Variants in RBSN observed in about 807,000 individuals in gnomAD.
RBSN encodes the protein rabenosyn-5.
Under a neutral mutation model 60.5 loss-of-function variants are expected in RBSN, and 34 were observed. That is an observed-to-expected ratio of 0.56 (90% CI 0.43 to 0.75). RBSN has a LOEUF of 0.75. Ranked by LOEUF, RBSN falls within the 30% of genes least tolerant of loss-of-function variation. The pLI, the probability that RBSN is intolerant of heterozygous loss-of-function variation, is 0.00. For synonymous variants in RBSN, 322 were observed against 366.9 expected (o/e 0.88, Z 1.40); for missense variants, 845 against 986.8 (o/e 0.86, Z 1.92).
chr3:15,074,589 G>T lies in RBSN; in HGVS notation c.1548C>A (p.Asp516Glu). ...ACATCTGCAGCTGTTCCCGCTGCAG[G>T]TCCTCCTCCTCAGCCTGCCTCCGGG... ...ELSRRQAEEE[D>E]LQREQLQMLR... Residue 516 changes from aspartate (D) to glutamate (E), a missense_variant, in exon 14 of 14, where the codon GAC becomes GAA. Transcript: ENST00000253699. The surrounding 1 kb of genome is among the most constrained non-coding windows in gnomAD (Gnocchi z 6.4). 6.2e-7 allele frequency: 1 copy of T among 1,614,184 alleles called. No individual in the cohort carries two copies.
At chr3:15,096,327 G>A in intron 3 of RBSN, 39 bp from the exon 4 acceptor site, 1 of 464,098 alleles carries the variant, frequency 2.2e-6, no homozygotes, top group East Asian at 3.3e-5. Flanking sequence ...GCCAATTCAG[G>A]CAAACTGGTA....
At chr3:15,075,200 T>TTTTCATG in intron 13 of RBSN, 2 of 575,352 alleles carry the variant, frequency 3.5e-6, no homozygotes, top group Non-Finnish European at 3.1e-6. Context: ...ATACTTTTCT[T>TTTTCATG]AAACCTCTAA....
chr3:15,093,409 G>C (rs2043568711), intron 4 of RBSN, among the ~76,000 whole-genome samples: 2 of 152,164 alleles, frequency 1.3e-5, no homozygotes, highest in African/African-American at 4.8e-5. Flanking sequence ...GAAAAACCAA[G>C]AGGATCTTTT....
chr3:15,091,779 C>T (rs376672115), intron 4 of RBSN, among the ~76,000 whole-genome samples: 8 of 152,204 alleles, frequency 5.3e-5, no homozygotes, highest in African/African-American at 1.4e-4. Flanking sequence ...AGCTCTCCCC[C>T]GCTAGTCCTG....
Position 15,074,057 on chromosome 3 carries a change from C to T in RBSN, c.2080G>A (p.Asp694Asn). The T allele has an allele frequency of 6.2e-7, 1 of 1,614,116 alleles. No homozygotes were observed. The highest frequency in any genetic ancestry group is 8.5e-7 in the Non-Finnish European group (1 of 1,180,038). The stretch of plus-strand genomic sequence containing the variant: ...GAGAGCCTCTGCTGGGGATGTTCGT[C>T]TTCCTCACTGAAGGGGTTAGGAGCT... Reference protein sequence around the residue: ...SPAPNPFSEEDEHPQQRLSSP... With the variant: ...SPAPNPFSEENEHPQQRLSSP... Residue 694 changes from aspartate to asparagine, a missense_variant, in exon 14 of 14, where the codon GAC becomes AAC. Coordinates refer to ENST00000253699, the MANE Select transcript of RBSN (RefSeq NM_022340.4). The surrounding 1 kb of genome is among the most constrained non-coding windows in gnomAD (Gnocchi z 6.4).
intron 9 of RBSN, 128 bp from the exon 10 acceptor site, chr3:15,080,930 A>G: frequency 2.6e-6 from 2 of 757,458 alleles, no homozygotes; most frequent in Non-Finnish European, 4.3e-6. Context: ...GTTGTTATCA[A>G]TTTCCTGATT....
Position 15,082,128 on chromosome 3 carries a change from A to G in RBSN, c.840+239T>C, listed in dbSNP as rs1288024750. Among the ~76,000 whole-genome samples, 1 of 151,678 alleles carries G rather than the reference A, an allele frequency of 6.6e-6. No homozygotes were observed. The highest frequency in any genetic ancestry group is 1.5e-5 in the Non-Finnish European group (1 of 67,938). On this transcript the variant is annotated intron_variant, in intron 9 of 13. Coordinates refer to ENST00000253699, the MANE Select transcript of RBSN (RefSeq NM_022340.4). The surrounding 1 kb of genome is among the most constrained non-coding windows in gnomAD (Gnocchi z 4.2). The stretch of plus-strand genomic sequence containing the variant: ...CTCTGGGCCACCAAAGCTTCCACCC[A>G]CCTGCTTTCAAGTGGCCAAGGAAGG...
In RBSN at chr3:15,094,787, G is replaced by A. The variant is rs142149436; in HGVS notation, c.148+1186C>T. 2.3e-3 allele frequency among the ~76,000 whole-genome samples: 353 copies of A among 152,288 alleles called. 1 individual carries two copies. Among genetic ancestry groups the A allele is most frequent in the African/African-American group, 7.1e-3 (294 of 41,548 alleles). ...TGAACAGAAAAGTGAGATAGAGTGAGACTCTAGGGACAAATATCTGATTAC... is the reference window on the plus strand; with the variant it reads ...TGAACAGAAAAGTGAGATAGAGTGAAACTCTAGGGACAAATATCTGATTAC... On this transcript the variant is annotated intron_variant, in intron 4 of 13. Transcript: ENST00000253699.
In RBSN at chr3:15,074,846, G is replaced by A. The variant is rs777314754; in HGVS notation, c.1291C>T (p.Arg431Cys). Residue 431 changes from arginine (R) to cysteine (C), a missense_variant, in exon 14 of 14, where the codon CGC (arginine) becomes TGC (cysteine). By Grantham distance (180) the Arg-to-Cys change is radical. Transcript: ENST00000253699. This position sits in a 1 kb window ranked among gnomAD's most constrained non-coding sequence, Gnocchi z 6.4. ...TTTCTCAAGGGGGCAGGGCCCCTGC[G>A]GAGAGATGCCACCTCCCCGTTGGCC... ...RAANGEVASLRRGPAPLRKAE... is the reference protein window; with the variant it reads ...RAANGEVASLCRGPAPLRKAE... The A allele has an allele frequency of 4.2e-5, 67 of 1,614,078 alleles. No individual in the cohort carries two copies. The East Asian group carries it at 4.2e-4, about 10-fold the overall frequency.
In RBSN at chr3:15,097,927, C is replaced by T. The variant is rs531401635; in HGVS notation, c.-345+192G>A. ...TAACTTTTCCACTGGAATATAGCAG[C>T]CCTAGGTCTGGCCTGTTCCCTCCCC... On this transcript the variant is annotated intron_variant, in intron 2 of 13. Transcript: ENST00000253699. 6.6e-5 allele frequency among the ~76,000 whole-genome samples: 10 copies of T among 152,240 alleles called. 1 individual carries two copies. The South Asian group carries it at 1.0e-3, about 16-fold the overall frequency.
intron 2 of RBSN, among the ~76,000 whole-genome samples, chr3:15,097,108 C>G (rs2043680604): frequency 6.6e-6 from 1 of 152,130 alleles, no homozygotes; most frequent in Non-Finnish European, 1.5e-5. Context: ...AATCCTCCTG[C>G]CTGAGCCCCC....
chr3:15,083,207 G>A (rs2043251474), intron 8 of RBSN, among the ~76,000 whole-genome samples: 1 of 152,198 alleles, frequency 6.6e-6, no homozygotes, highest in South Asian at 2.1e-4. Context: ...GAGCTCAAGA[G>A]AAGAAGGGTG....
chr3:15,079,794 T>C (rs112107821), intron 10 of RBSN, among the ~76,000 whole-genome samples: 139 of 152,318 alleles, frequency 9.1e-4, no homozygotes, highest in Admixed American at 2.7e-3. Flanking sequence ...CAGTGGCTGC[T>C]AATGGGTATG....
At position 15,085,867 on chromosome 3, in the gene RBSN, T is replaced by C. The variant is rs1482236029; in HGVS notation, c.384A>G (p.Leu128=). The change falls in exon 6 of 14, where the codon TTA becomes TTG. Residue 128 remains leucine (L), a synonymous_variant. Transcript: ENST00000253699. ...TTAAGACAACAAAATTTACCTTCTC[T>C]AACCTGATTATTAGTTTATTGACTT... ...VVEVNKLIIR[L]EKLTAFDRTN... The C allele has an allele frequency of 6.2e-7, 1 of 1,613,788 alleles. No homozygotes were observed. Among genetic ancestry groups the C allele is most frequent in the Non-Finnish European group, 8.5e-7 (1 of 1,179,750 alleles).
chr3:15,082,721 G>A lies in RBSN; in HGVS notation c.599-113C>T. 1 of 1,452,730 alleles carries A rather than the reference G, an allele frequency of 6.9e-7. No homozygotes were observed. Among genetic ancestry groups the A allele is most frequent in the Admixed American group, 2.1e-5 (1 of 46,946 alleles). 90.0% of individuals were successfully genotyped at this position (1,452,730 alleles called of 1,614,324 possible). A position where few individuals can be genotyped will look rare whatever the true frequency, so the allele number is the denominator to read the frequency against. ...TTGATTTGGAGAGTAATAAGATCAG[G>A]CTCCAGCTGTGGGCACGTACTGCCC... On this transcript the variant is annotated intron_variant, in intron 8 of 13. Coordinates refer to ENST00000253699, the MANE Select transcript of RBSN (RefSeq NM_022340.4). The surrounding 1 kb of genome is among the most constrained non-coding windows in gnomAD (Gnocchi z 4.2).
intron 5 of RBSN, among the ~76,000 whole-genome samples, chr3:15,089,504 T>G (rs1448031351): frequency 4.9e-5 from 7 of 143,654 alleles, no homozygotes; most frequent in Admixed American, 4.2e-4. Context: ...ATATGTAAGA[T>G]TAGATAGTTC....
At chr3:15,087,929 T>C (rs1182573876) in intron 5 of RBSN, among the ~76,000 whole-genome samples, 1 of 152,218 alleles carries the variant, frequency 6.6e-6, no homozygotes, top group Non-Finnish European at 1.5e-5. Context: ...ACACATGCTA[T>C]ACTCTTAACC....
intron 10 of RBSN, among the ~76,000 whole-genome samples, chr3:15,079,972 C>T (rs2043162297): frequency 6.6e-6 from 1 of 152,182 alleles, no homozygotes; most frequent in Admixed American, 6.5e-5. Flanking sequence ...TGGCCAGACA[C>T]GGTGGCTCAC....
Position 15,071,504 on chromosome 3 carries a change from A to G in RBSN, c.*2278T>C, listed in dbSNP as rs143334122. 1.5e-3 allele frequency: 227 copies of G among 152,320 alleles called. 2 individuals carry two copies. The highest frequency in any genetic ancestry group is 5.2e-3 in the African/African-American group (217 of 41,562). The allele number at this position is 152,320 out of a possible 1,614,324, so 9.4% of individuals were successfully genotyped here. A position where few individuals can be genotyped will look rare whatever the true frequency, so the allele number is the denominator to read the frequency against. ...GGTTGCCAACTTCTCAAAACAACCCATAACAACCAGCAGGGTTGGTAACTG... is the reference window on the plus strand; with the variant it reads ...GGTTGCCAACTTCTCAAAACAACCCGTAACAACCAGCAGGGTTGGTAACTG... On this transcript the variant is annotated 3_prime_UTR_variant, in exon 14 of 14. Coordinates refer to ENST00000253699, the MANE Select transcript of RBSN (RefSeq NM_022340.4).
Sources: gnomAD v4.1 joint callset for allele counts (sites outside exome capture counted in the v4.1 genomes callset) on GRCh38, gnomAD v4.1.1 for gene constraint, Gnocchi (gnomAD v3.1) non-coding constraint, MANE v1.5 for transcripts, NCBI Gene and HGNC (gene_info 2026-07-23, HGNC 2026-07-21) for gene names.